The following CACNA1B variants were observed in gnomAD, a reference collection of about 807,000 sequenced individuals.
The protein encoded by CACNA1B is voltage-dependent N-type calcium channel subunit alpha-1B.
In CACNA1B, 70 loss-of-function variants were observed where a neutral mutation model predicts 247.2. The observed-to-expected ratio is 0.28, with a 90% CI of 0.23 to 0.35. The LOEUF (loss-of-function observed/expected upper bound fraction) is 0.35, where lower values mean the gene tolerates loss of function less well. Ranked by LOEUF, CACNA1B falls within the 10% of genes least tolerant of loss-of-function variation. CACNA1B has a pLI of 1.00. For synonymous variants in CACNA1B, 1,231 were observed against 1,294.4 expected, an observed-to-expected ratio of 0.95 and a Z score of 1.05; for missense variants, 2,367 against 3,197.4, an observed-to-expected ratio of 0.74 and a Z score of 6.26.
In CACNA1B at chr9:138,046,931, G is replaced by T. The variant is rs201992929; in HGVS notation, c.3441G>T (p.Val1147=). 1,348 of 1,613,686 alleles carry T rather than the reference G, an allele frequency of 8.4e-4. 15 individuals carry two copies. The South Asian group carries it at 9.5e-3, about 11-fold the overall frequency. Residue 1147 remains valine (V), a synonymous_variant, in exon 22 of 47, where the codon GTG becomes GTT. Coordinates refer to ENST00000371372, the MANE Select transcript of CACNA1B (RefSeq NM_000718.4). Reference sequence around the variant, plus strand: ...TCCGCCGCTTCTGCCACTACATCGTGACCATGAGGTACTTCGAGGTGGTCA... The same window carrying T: ...TCCGCCGCTTCTGCCACTACATCGTTACCATGAGGTACTTCGAGGTGGTCA... ...NLLRRFCHYI[V]TMRYFEVVIL... is the part of the protein sequence containing the mutation.
At position 138,035,265 on chromosome 9, in the gene CACNA1B, C is replaced by T. The variant is rs1273498596; in HGVS notation, c.3287-8509C>T. Among the ~76,000 whole-genome samples the T allele has an allele frequency of 2.0e-5, 3 of 152,300 alleles. No homozygotes were observed. The East Asian group carries it at 5.8e-4, about 29-fold the overall frequency. On this transcript the variant is annotated intron_variant, in intron 20 of 46. Transcript: ENST00000371372. ...CTTGAGGTCGGAAGTTTGAGACCAG[C>T]CTGGCCAACATGGTGAAACCCCATC...
rs915079859 is a variant in CACNA1B, at chr9:138,000,286, G to A, written c.1975-6481G>A. Among the ~76,000 whole-genome samples the A allele has an allele frequency of 7.2e-5, 11 of 152,156 alleles. No homozygotes were observed. In the East Asian group the frequency reaches 7.7e-4, roughly 11 times the overall value. The stretch of plus-strand genomic sequence containing the variant: ...GCTAATTTTTTGTATTTTTAGTAGA[G>A]ACAGGGTTTCACCGTGTTAGCCAGG... On this transcript the variant is annotated intron_variant, in intron 15 of 46. Coordinates refer to ENST00000371372, the MANE Select transcript of CACNA1B (RefSeq NM_000718.4).
At chr9:137,889,708 A>G (rs1366973852) in intron 3 of CACNA1B, among the ~76,000 whole-genome samples, 1 of 148,632 alleles carries the variant, frequency 6.7e-6, no homozygotes, top group Non-Finnish European at 1.5e-5. Flanking sequence ...TCGGGCCTCC[A>G]TGTCCGTGGG....
intron 31 of CACNA1B, among the ~76,000 whole-genome samples, chr9:138,063,773 C>T (rs1959817669): frequency 6.6e-6 from 1 of 152,232 alleles, no homozygotes; most frequent in Non-Finnish European, 1.5e-5. Flanking sequence ...ATCCAGTTTT[C>T]TTGCACAGTC....
chr9:137,985,865 G>A (rs59937694), intron 13 of CACNA1B, among the ~76,000 whole-genome samples: 2,462 of 152,344 alleles, frequency 0.016, 29 homozygotes, highest in African/African-American at 0.031. Flanking sequence ...GAGAGTCTGC[G>A]TGGTGTCACC....
At position 137,914,469 on chromosome 9, in the gene CACNA1B, A is replaced by C. The variant is rs887474421; in HGVS notation, c.623-185A>C. ...TCCCTAGGACTCTCAGCTCTGCCCT[A>C]CACAAGCACTCTCTGCCCCTCTGCG... is the stretch of plus-strand genomic sequence containing the variant. On this transcript the variant is annotated intron_variant, in intron 4 of 46. Coordinates refer to ENST00000371372, the MANE Select transcript of CACNA1B (RefSeq NM_000718.4). This position sits in a 1 kb window ranked among gnomAD's most constrained non-coding sequence, Gnocchi z 4.3. 6.6e-5 allele frequency among the ~76,000 whole-genome samples: 10 copies of C among 152,074 alleles called. No homozygotes were observed. Among genetic ancestry groups the C allele is most frequent in the African/African-American group, 2.4e-4 (10 of 41,400 alleles).
At chr9:137,992,799 A>G (rs2133390412) in intron 15 of CACNA1B, among the ~76,000 whole-genome samples, 1 of 80,888 alleles carries the variant, frequency 1.2e-5, no homozygotes. Flanking sequence ...TCCGTCTCAA[A>G]AAAAAAAAAA....
chr9:137,999,631 T>C (rs1025677781), intron 15 of CACNA1B, among the ~76,000 whole-genome samples: 1 of 152,094 alleles, frequency 6.6e-6, no homozygotes, highest in Non-Finnish European at 1.5e-5. Flanking sequence ...CACCTCAGTC[T>C]CCCAAGTAGC....
At chr9:137,898,477 G>T (rs1261758947) in intron 3 of CACNA1B, among the ~76,000 whole-genome samples, 1 of 151,816 alleles carries the variant, frequency 6.6e-6, no homozygotes, top group Non-Finnish European at 1.5e-5. Context: ...GTTCCTTGAG[G>T]CTCTGTTGTT....
At chr9:137,904,350 C>T (rs1253357987) in intron 3 of CACNA1B, among the ~76,000 whole-genome samples, 1 of 136,110 alleles carries the variant, frequency 7.3e-6, no homozygotes, top group Non-Finnish European at 1.5e-5. Context: ...CTCTCTCTCT[C>T]TCTTTTTTTT....
intron 3 of CACNA1B, among the ~76,000 whole-genome samples, chr9:137,909,067 T>C (rs932972322): frequency 6.6e-6 from 1 of 151,306 alleles, no homozygotes; most frequent in African/African-American, 2.4e-5. Flanking sequence ...CTCGGCTCAC[T>C]GCAACCTCCG....
chr9:137,901,659 T>C (rs991856372), intron 3 of CACNA1B, among the ~76,000 whole-genome samples: 3 of 151,770 alleles, frequency 2.0e-5, no homozygotes, highest in African/African-American at 7.3e-5. Flanking sequence ...CCACCAGTTC[T>C]GTGTACATCA....
chr9:138,115,471 T>C lies in CACNA1B; in HGVS notation c.5650-81T>C, dbSNP rs867858570. The C allele has an allele frequency of 6.0e-5, 88 of 1,457,268 alleles. No homozygotes were observed. In the African/African-American group the frequency reaches 1.1e-3, roughly 19 times the overall value. 90.3% of individuals were successfully genotyped at this position (1,457,268 alleles called of 1,614,324 possible). A position where few individuals can be genotyped will look rare whatever the true frequency, so the allele number is the denominator to read the frequency against. On this transcript the variant is annotated intron_variant, in intron 41 of 46. Coordinates refer to ENST00000371372, the MANE Select transcript of CACNA1B (RefSeq NM_000718.4). ...TGAACATGACCTGGCTTTTGCCCCA[T>C]GCCACATGGTCAGAGCAGGTCACAG...
rs908055726 is a variant in CACNA1B at position 138,054,856 on chromosome 9, C to T, written c.3968+850C>T. Among the ~76,000 whole-genome samples, 4 of 152,124 alleles carry T rather than the reference C, an allele frequency of 2.6e-5. No individual in the cohort carries two copies. The highest frequency in any genetic ancestry group is 1.9e-4 in the East Asian group (1 of 5,174). On this transcript the variant is annotated intron_variant, in intron 26 of 46. Transcript: ENST00000371372. The surrounding 1 kb of genome is among the most constrained non-coding windows in gnomAD (Gnocchi z 4.6). ...CTTTCTGGGTGTAGTGGTCATTCAC[C>T]GTGGTTTAATTTTGCACTTGTGTGA...
chr9:138,057,887 T>C lies in CACNA1B; in HGVS notation c.4106+18T>C, dbSNP rs755304174. On this transcript the variant is annotated intron_variant, in intron 27 of 46. Coordinates refer to ENST00000371372, the MANE Select transcript of CACNA1B (RefSeq NM_000718.4). The surrounding 1 kb of genome is among the most constrained non-coding windows in gnomAD (Gnocchi z 4.0). ...TGGCCCATGTGAGTGCTCATCCTGC[T>C]CTCCGTAGCTGGGGCAGGCAGCCCC... is the stretch of plus-strand genomic sequence containing the variant. The C allele has an allele frequency of 6.3e-7, 1 of 1,597,506 alleles. No individual in the cohort carries two copies. Among genetic ancestry groups the C allele is most frequent in the Non-Finnish European group, 8.6e-7 (1 of 1,167,502 alleles).
At chr9:138,025,680 T>G (rs1286075659) in intron 20 of CACNA1B, among the ~76,000 whole-genome samples, 1 of 152,200 alleles carries the variant, frequency 6.6e-6, no homozygotes. Flanking sequence ...TTGAGCTGCC[T>G]TCTTTCCTCC....
chr9:138,114,894 C>G (rs1023387825), intron 41 of CACNA1B, among the ~76,000 whole-genome samples: 1 of 152,278 alleles, frequency 6.6e-6, no homozygotes, highest in East Asian at 1.9e-4. Context: ...GGATCATTGT[C>G]TGTTCTGCTC....
intron 15 of CACNA1B, among the ~76,000 whole-genome samples, chr9:138,003,887 G>T (rs564153137): frequency 3.3e-5 from 5 of 149,678 alleles, no homozygotes; most frequent in East Asian, 2.0e-4. Flanking sequence ...CTCCCAAAGC[G>T]CTAGGACTAC....
In CACNA1B at chr9:138,121,795, C is replaced by T. The variant is rs1489918235; in HGVS notation, c.6816C>T (p.Ala2272=). The T allele has an allele frequency of 2.5e-6, 4 of 1,613,118 alleles. No individual in the cohort carries two copies. In the East Asian group the frequency reaches 6.7e-5, roughly 27 times the overall value. The change falls in exon 47 of 47, where the codon GCC becomes GCT. Residue 2272 remains alanine (A), a synonymous_variant. Transcript: ENST00000371372. This position sits in a 1 kb window ranked among gnomAD's most constrained non-coding sequence, Gnocchi z 6.8. The part of the protein sequence containing the change: ...QRLDSEASVH[A]LPEDTLTFEE... The stretch of plus-strand genomic sequence containing the variant: ...TGGACAGTGAGGCCTCTGTCCACGC[C>T]CTGCCTGAGGACACTCTCACTTTCG...
Sources: gnomAD v4.1 joint callset for allele counts (sites outside exome capture counted in the v4.1 genomes callset) on GRCh38, gnomAD v4.1.1 for gene constraint, Gnocchi (gnomAD v3.1) non-coding constraint, MANE v1.5 for transcripts, NCBI Gene and HGNC (gene_info 2026-07-23, HGNC 2026-07-21) for gene names.